The following MEGF8 variants were observed in gnomAD, a reference collection of about 807,000 sequenced individuals.
MEGF8 encodes multiple epidermal growth factor-like domains protein 8.
In MEGF8, 156 loss-of-function variants were observed where a neutral mutation model predicts 302.9. That is an observed-to-expected ratio of 0.52 (90% confidence interval 0.45 to 0.59). The LOEUF is 0.59. Among genes scored for constraint, MEGF8 ranks in the 20% least tolerant of loss-of-function variants. MEGF8 has a pLI of 0.00. For missense variants in MEGF8, 3,345 were observed against 3,964.5 expected (o/e 0.84, Z 4.20); for synonymous variants, 1,621 against 1,660.5 (o/e 0.98, Z 0.58).
chr19:42,360,571 C>T (rs2039517471), intron 31 of MEGF8, among the ~76,000 whole-genome samples: 1 of 152,134 alleles, frequency 6.6e-6, no homozygotes, highest in Non-Finnish European at 1.5e-5. Flanking sequence ...TCTTAAACTC[C>T]TGGGCTCAAG....
intron 1 of MEGF8, among the ~76,000 whole-genome samples, chr19:42,332,627 A>G (rs1241178700): frequency 6.6e-6 from 1 of 152,212 alleles, no homozygotes; most frequent in Middle Eastern, 3.4e-3. Context: ...TGGCCTCTCA[A>G]AGTGCTGGGA....
At position 42,355,765 on chromosome 19, in the gene MEGF8, C is replaced by T. The variant is rs34225188; in HGVS notation, c.4152C>T (p.Leu1384=). 6.8e-4 allele frequency: 1,073 copies of T among 1,578,492 alleles called. 1 individual carries two copies. The highest frequency in any genetic ancestry group is 4.5e-3 in the Middle Eastern group (27 of 6,002). ...PLTVQALSGL[L]VLHWEANGSS... ...TGGCCTCTCTCTTCACAGGGCTGCT[C>T]GTGCTGCACTGGGAGGCCAATGGCT... The change falls in exon 24 of 42, where the codon CTC becomes CTT. Residue 1384 remains leucine (L), a synonymous_variant. Transcript: ENST00000251268.
rs746288930 is a variant in MEGF8, at chr19:42,344,862, G to T, written c.2097+29G>T. 3.3e-6 allele frequency: 5 copies of T among 1,515,362 alleles called. No homozygotes were observed. Among genetic ancestry groups the T allele is most frequent in the South Asian group, 2.6e-5 (2 of 76,778 alleles). The allele number at this position is 1,515,362 out of a possible 1,614,324, so 93.9% of individuals were successfully genotyped here. On this transcript the variant is annotated intron_variant, in intron 12 of 41. Transcript: ENST00000251268. The surrounding 1 kb of genome is among the most constrained non-coding windows in gnomAD (Gnocchi z 4.5). ...GGTAGGAGGCGTGGCCCTGGGTGGG[G>T]TGTTGATGATCCTGATCCTAGGGTT...
chr19:42,368,743 A>G lies in MEGF8; in HGVS notation c.6481+81A>G. On this transcript the variant is annotated intron_variant, in intron 36 of 41. Coordinates refer to ENST00000251268, the MANE Select transcript of MEGF8 (RefSeq NM_001271938.2). The surrounding 1 kb of genome is among the most constrained non-coding windows in gnomAD (Gnocchi z 4.9). Reference sequence around the variant, plus strand: ...ACAGTGAACATAGGGATACTGGGCCAGACCCAGAGGTGGGGCTCAGAGGAG... The same window carrying G: ...ACAGTGAACATAGGGATACTGGGCCGGACCCAGAGGTGGGGCTCAGAGGAG... 6.4e-7 allele frequency: 1 copy of G among 1,552,352 alleles called. No individual in the cohort carries two copies. Among genetic ancestry groups the G allele is most frequent in the South Asian group, 1.2e-5 (1 of 81,378 alleles).
At position 42,352,898 on chromosome 19, in the gene MEGF8, G is replaced by A. The variant is rs763755387; in HGVS notation, c.3351-30G>A. On this transcript the variant is annotated intron_variant, in intron 19 of 41. Coordinates refer to ENST00000251268, the MANE Select transcript of MEGF8 (RefSeq NM_001271938.2). The surrounding 1 kb of genome is among the most constrained non-coding windows in gnomAD (Gnocchi z 4.4). ...TTTAGGGGCTCTGGGCCTGCCTGGC[G>A]CTTTCCCCACCCCCAACACGGCCCC... The A allele has an allele frequency of 3.9e-6, 6 of 1,529,030 alleles. No homozygotes were observed. Among genetic ancestry groups the A allele is most frequent in the East Asian group, 2.4e-5 (1 of 41,674 alleles). The allele number at this position is 1,529,030 out of a possible 1,614,324, so 94.7% of individuals were successfully genotyped here.
chr19:42,374,759 G>A (rs892681195), intron 41 of MEGF8, among the ~76,000 whole-genome samples: 3 of 152,214 alleles, frequency 2.0e-5, no homozygotes, highest in Admixed American at 6.5e-5. Context: ...GAACAAACAA[G>A]TCAGATGCTC....
At position 42,376,797 on chromosome 19, in the gene MEGF8, C is replaced by T; in HGVS notation, c.*22C>T. 7.0e-7 allele frequency: 1 copy of T among 1,426,414 alleles called. No homozygotes were observed. The highest frequency in any genetic ancestry group is 9.1e-7 in the Non-Finnish European group (1 of 1,093,698). 88.4% of individuals were successfully genotyped at this position (1,426,414 alleles called of 1,614,324 possible). ...CTGACATGCCCAGGGTTCTCATCCA[C>T]AGCAGCTGGGTCACCTGATAGGGCC... On this transcript the variant is annotated 3_prime_UTR_variant, in exon 42 of 42. Coordinates refer to ENST00000251268, the MANE Select transcript of MEGF8 (RefSeq NM_001271938.2). The surrounding 1 kb of genome is among the most constrained non-coding windows in gnomAD (Gnocchi z 8.2).
At chr19:42,363,956 A>G (rs559143755) in intron 35 of MEGF8, among the ~76,000 whole-genome samples, 1 of 152,182 alleles carries the variant, frequency 6.6e-6, no homozygotes, top group Non-Finnish European at 1.5e-5. Flanking sequence ...GACCACGTTC[A>G]TCTCTGTGTT....
chr19:42,374,470 C>CAAAA (rs58700897), intron 41 of MEGF8, among the ~76,000 whole-genome samples: 1 of 56,276 alleles, frequency 1.8e-5, no homozygotes, highest in African/African-American at 5.6e-5. Context: ...GACTCTGTCT[C>CAAAA]AAAAAAAAAA....
Position 42,351,596 on chromosome 19 carries a change from T to C in MEGF8, c.2987+36T>C. 1.2e-6 allele frequency: 2 copies of C among 1,603,778 alleles called. No individual in the cohort carries two copies. Among genetic ancestry groups the C allele is most frequent in the Non-Finnish European group, 8.5e-7 (1 of 1,175,532 alleles). ...TGGGGCAGGGCTAACAGAGGAAGAT[T>C]CCCCACCGGCAAGGGGCTGGGGCTC... On this transcript the variant is annotated intron_variant, in intron 17 of 41. Coordinates refer to ENST00000251268, the MANE Select transcript of MEGF8 (RefSeq NM_001271938.2). This position sits in a 1 kb window ranked among gnomAD's most constrained non-coding sequence, Gnocchi z 5.6.
At chr19:42,339,474 T>G (rs1206761408) in intron 8 of MEGF8, among the ~76,000 whole-genome samples, 1 of 152,212 alleles carries the variant, frequency 6.6e-6, no homozygotes, top group Non-Finnish European at 1.5e-5. Flanking sequence ...TTAGTGATAT[T>G]GAGCATTTTT....
Position 42,344,010 on chromosome 19 carries a change from G to A in MEGF8, c.1725G>A (p.Pro575=), listed in dbSNP as rs750096359. Residue 575 remains proline, a synonymous_variant, in exon 10 of 42, where the codon CCG becomes CCA. Transcript: ENST00000251268. The surrounding 1 kb of genome is among the most constrained non-coding windows in gnomAD (Gnocchi z 4.5). ...YTDHSVCSRD[P]ECSWCQGACQ... ...ACCACAGCGTCTGCTCCCGGGACCC[G>A]GAATGCAGTTGGTGCCAAGGAGCCT... 8.7e-6 allele frequency: 14 copies of A among 1,613,622 alleles called. No homozygotes were observed. The highest frequency in any genetic ancestry group is 3.3e-5 in the South Asian group (3 of 91,068).
chr19:42,334,273 GC>G, intron 3 of MEGF8, 60 bp downstream of exon 3: 1 of 1,449,812 alleles, frequency 6.9e-7, no homozygotes. Context: ...CAGCCTCCAC[GC>G]CCATCTCCTA....
rs145348824 is a variant in MEGF8 at position 42,356,115 on chromosome 19, C to T, written c.4425C>T (p.Phe1475=). ...SLGVCICAEG[F]GGPDCATKLD... The stretch of plus-strand genomic sequence containing the variant: ...GTGTGTGCATCTGTGCCGAGGGCTT[C>T]GGGGGCCCCGACTGCGCCACCAAGC... Residue 1475 remains phenylalanine (F), a synonymous_variant, in exon 25 of 42, where the codon TTC becomes TTT. Transcript: ENST00000251268. The surrounding 1 kb of genome is among the most constrained non-coding windows in gnomAD (Gnocchi z 5.2). The T allele has an allele frequency of 4.3e-5, 68 of 1,584,786 alleles. No individual in the cohort carries two copies. The highest frequency in any genetic ancestry group is 5.3e-5 in the Non-Finnish European group (62 of 1,163,948).
At position 42,343,619 on chromosome 19, in the gene MEGF8, A is replaced by G. The variant is rs775414246; in HGVS notation, c.1656A>G (p.Ala552=). Residue 552 remains alanine (A), a synonymous_variant, in exon 9 of 42, where the codon GCA becomes GCG. Transcript: ENST00000251268. Reference sequence around the variant, plus strand: ...AGGTGCCCCCCTTTGTGTTCCAGGCACCTGCCCCTGACGTGAGCACTGGGG... The same window carrying G: ...AGGTGCCCCCCTTTGTGTTCCAGGCGCCTGCCCCTGACGTGAGCACTGGGG... ...AYKVPPFVFQ[A]PAPDYHLDYC... 3.1e-6 allele frequency: 5 copies of G among 1,605,260 alleles called. No individual in the cohort carries two copies. In the African/African-American group the frequency reaches 5.4e-5, roughly 17 times the overall value.
Position 42,352,182 on chromosome 19 carries a change from C to G in MEGF8, c.3102-26C>G, listed in dbSNP as rs377479903. 1.3e-6 allele frequency: 2 copies of G among 1,487,210 alleles called. No homozygotes were observed. Among genetic ancestry groups the G allele is most frequent in the African/African-American group, 1.4e-5 (1 of 71,260 alleles). The allele number at this position is 1,487,210 out of a possible 1,614,324, so 92.1% of individuals were successfully genotyped here. A position where few individuals can be genotyped will look rare whatever the true frequency, so the allele number is the denominator to read the frequency against. ...TGGCTCCTGTTTCTATGTTGTCCCC[C>G]GCTTCTTCACTCTCCCACCCTGCAG... is the stretch of plus-strand genomic sequence containing the variant. On this transcript the variant is annotated intron_variant, in intron 18 of 41. Coordinates refer to ENST00000251268, the MANE Select transcript of MEGF8 (RefSeq NM_001271938.2). The surrounding 1 kb of genome is among the most constrained non-coding windows in gnomAD (Gnocchi z 4.4).
Position 42,344,538 on chromosome 19 carries a change from G to A in MEGF8, c.1886G>A (p.Gly629Asp), listed in dbSNP as rs767048124. 5 of 1,600,030 alleles carry A rather than the reference G, an allele frequency of 3.1e-6. No individual in the cohort carries two copies. Among genetic ancestry groups the A allele is most frequent in the Middle Eastern group, 1.7e-4 (1 of 5,742 alleles). ...CCCACAGCCCCTCCACGGGGACCTG[G>A]CACCCTGGGCTGGTGCGTGCACAAT... ...SSPTAPPRGP[G>D]TLGWCVHNES... The change falls in exon 11 of 42, where the codon GGC becomes GAC. Residue 629 changes from glycine to aspartate, a missense_variant. Coordinates refer to ENST00000251268, the MANE Select transcript of MEGF8 (RefSeq NM_001271938.2). The surrounding 1 kb of genome is among the most constrained non-coding windows in gnomAD (Gnocchi z 4.5).
rs1010782993 is a variant in MEGF8, at chr19:42,351,006, G to A, written c.2737-210G>A. 3 of 591,324 alleles carry A rather than the reference G, an allele frequency of 5.1e-6. No individual in the cohort carries two copies. Among genetic ancestry groups the A allele is most frequent in the Admixed American group, 3.1e-5 (1 of 31,800 alleles). 36.6% of individuals were successfully genotyped at this position (591,324 alleles called of 1,614,324 possible). A position where few individuals can be genotyped will look rare whatever the true frequency, so the allele number is the denominator to read the frequency against. ...CCCACCCGGACCACACAGAAGGGGT[G>A]CTATTGCCTAAAGGAGACAGTGGGT... On this transcript the variant is annotated intron_variant, in intron 15 of 41. Coordinates refer to ENST00000251268, the MANE Select transcript of MEGF8 (RefSeq NM_001271938.2). The surrounding 1 kb of genome is among the most constrained non-coding windows in gnomAD (Gnocchi z 5.6).
chr19:42,353,768 T>A lies in MEGF8; in HGVS notation c.3762-7T>A. ...GGTCTGACACTGGCTCTTCTCCATC[T>A]CCCCAGGGCCGGTGGTTCCTGCTTT... On this transcript the variant is annotated splice_polypyrimidine_tract_variant and splice_region_variant and intron_variant, in intron 21 of 41. Coordinates refer to ENST00000251268, the MANE Select transcript of MEGF8 (RefSeq NM_001271938.2). This position sits in a 1 kb window ranked among gnomAD's most constrained non-coding sequence, Gnocchi z 6.1. 2 of 1,587,228 alleles carry A rather than the reference T, an allele frequency of 1.3e-6. No homozygotes were observed. The highest frequency in any genetic ancestry group is 1.7e-6 in the Non-Finnish European group (2 of 1,162,472).
Sources: allele counts gnomAD v4.1 joint callset (sites outside exome capture counted in the v4.1 genomes callset), GRCh38; gene constraint gnomAD v4.1.1; non-coding constraint Gnocchi (gnomAD v3.1); transcripts MANE v1.5; gene names NCBI Gene and HGNC (gene_info 2026-07-23, HGNC 2026-07-21).